CRYBG3: variants seen among roughly 807,000 people sequenced by gnomAD.
CRYBG3 encodes crystallin beta-gamma domain containing 3.
Under a neutral mutation model 244.2 loss-of-function variants are expected in CRYBG3, and 127 were observed. The ratio of observed to expected loss-of-function variants is 0.52; its 90% CI spans 0.45 to 0.60. CRYBG3 has a LOEUF of 0.60. Among genes scored for constraint, CRYBG3 ranks in the 20% least tolerant of loss-of-function variants. The pLI, the probability that CRYBG3 is intolerant of heterozygous loss-of-function variation, is 0.00. For missense variants in CRYBG3, 3,325 were observed against 3,442.5 expected (o/e 0.97, Z 0.85); for synonymous variants, 1,132 against 1,195.8 (o/e 0.95, Z 1.10).
intron 10 of CRYBG3, among the ~76,000 whole-genome samples, chr3:97,892,431 T>C (rs1228952242): frequency 6.6e-6 from 1 of 152,172 alleles, no homozygotes. Flanking sequence ...TTAAATGAGT[T>C]ACCTATATGT....
intron 11 of CRYBG3, among the ~76,000 whole-genome samples, chr3:97,893,990 A>T (rs1388497383): frequency 6.6e-6 from 1 of 152,232 alleles, no homozygotes; most frequent in East Asian, 1.9e-4. Context: ...TTAGTCTGAC[A>T]TATTAATCAC....
intron 2 of CRYBG3, among the ~76,000 whole-genome samples, chr3:97,856,930 A>G (rs1352324771): frequency 2.0e-5 from 3 of 151,688 alleles, no homozygotes; most frequent in African/African-American, 7.3e-5. Flanking sequence ...GTTTTCTTCT[A>G]ATTTGGGGGT....
At position 97,886,746 on chromosome 3, in the gene CRYBG3, C is replaced by T. The variant is rs2039512613; in HGVS notation, c.7268C>T (p.Ser2423Phe). ...LEELNISKSV[S>F]FTVKSGVWLA... ...GAACTGAATATCTCCAAATCTGTGT[C>T]CTTCACTGTGAAGTCAGGAGTGTAC... The change falls in exon 8 of 22, where the codon TCC (serine) becomes TTC (phenylalanine). Residue 2423 changes from serine (S) to phenylalanine (F), a missense_variant. Ser to Phe is a radical substitution (Grantham distance 155, BLOSUM62 -2). Transcript: ENST00000389622. 6.2e-7 allele frequency: 1 copy of T among 1,607,814 alleles called. No individual in the cohort carries two copies. Among genetic ancestry groups the T allele is most frequent in the South Asian group, 1.1e-5 (1 of 89,782 alleles).
Position 97,880,035 on chromosome 3 carries a change from T to C in CRYBG3, c.6939T>C (p.Cys2313=). 1 of 1,603,700 alleles carries C rather than the reference T, an allele frequency of 6.2e-7. No homozygotes were observed. Among genetic ancestry groups the C allele is most frequent in the South Asian group, 1.1e-5 (1 of 89,778 alleles). The part of the protein sequence containing the change: ...HESTYKQEVY[C]NIPDATSWSF... The stretch of plus-strand genomic sequence containing the variant: ...GTACATATAAACAAGAAGTCTACTG[T>C]AATATTCCTGATGCTACATCATGGT... Residue 2313 remains cysteine, a synonymous_variant, in exon 6 of 22, where the codon TGT becomes TGC. Transcript: ENST00000389622.
At chr3:97,930,835 C>T (rs1357703315) in intron 17 of CRYBG3, among the ~76,000 whole-genome samples, 2 of 152,064 alleles carry the variant, frequency 1.3e-5, no homozygotes, top group East Asian at 3.9e-4. Context: ...GTGTTGGCCA[C>T]ATAACGTAAA....
rs776126392 is a variant in CRYBG3, at chr3:97,933,734, A to G, written c.8282A>G (p.His2761Arg). The G allele has an allele frequency of 9.3e-6, 15 of 1,612,966 alleles. No individual in the cohort carries two copies. Among genetic ancestry groups the G allele is most frequent in the Non-Finnish European group, 1.3e-5 (15 of 1,179,362 alleles). ...EPSISLFALE[H>R]CEGRELHLEE... Reference sequence around the variant, plus strand: ...TCCATCAGCCTTTTTGCTCTGGAGCATTGTGAGGGAAGAGAGTTACATCTA... The same window carrying G: ...TCCATCAGCCTTTTTGCTCTGGAGCGTTGTGAGGGAAGAGAGTTACATCTA... The change falls in exon 18 of 22, where the codon CAT becomes CGT. Residue 2761 changes from histidine (H) to arginine (R), a missense_variant. By Grantham distance (29) the His-to-Arg change is conservative. Transcript: ENST00000389622.
At chr3:97,864,974 T>G (rs2039207156) in intron 3 of CRYBG3, among the ~76,000 whole-genome samples, 3 of 152,172 alleles carry the variant, frequency 2.0e-5, no homozygotes, top group Admixed American at 2.0e-4. Flanking sequence ...AAAATGGTCC[T>G]CAGGTTTATA....
intron 17 of CRYBG3, among the ~76,000 whole-genome samples, chr3:97,920,353 C>A (rs2039970138): frequency 6.6e-6 from 1 of 152,086 alleles, no homozygotes; most frequent in African/African-American, 2.4e-5. Context: ...TCAGCTCTTA[C>A]CTCCATCAGT....
chr3:97,941,040 A>G, intron 19 of CRYBG3, 108 bp from the exon 20 acceptor site: 1 of 827,328 alleles, frequency 1.2e-6, no homozygotes, highest in Non-Finnish European at 1.9e-6. Flanking sequence ...TGAAACTGAT[A>G]TAACTAAGAT....
At chr3:97,937,425 A>G (rs985424257) in intron 19 of CRYBG3, among the ~76,000 whole-genome samples, 1 of 152,106 alleles carries the variant, frequency 6.6e-6, no homozygotes, top group African/African-American at 2.4e-5. Flanking sequence ...CACAGGCATC[A>G]AAGTACAGAG....
chr3:97,932,357 T>C (rs1193067820), intron 17 of CRYBG3, among the ~76,000 whole-genome samples: 2 of 152,088 alleles, frequency 1.3e-5, no homozygotes, highest in Non-Finnish European at 2.9e-5. Context: ...GATTCTTCTG[T>C]GTATGAACCA....
chr3:97,933,473 C>A, intron 17 of CRYBG3: 1 of 613,862 alleles, frequency 1.6e-6, no homozygotes, highest in Non-Finnish European at 2.9e-6. Context: ...AGATTGATTG[C>A]TTTTCTGATA....
rs1384235934 is a variant in CRYBG3 at position 97,873,417 on chromosome 3, A to T, written c.2223A>T (p.Lys741Asn). ...AAGAAGTTCTTTCTAATAGTGAAAA[A>T]TGCCAGGTTCTTCCAGGTTCTGAAG... ...EFKEVLSNSEKCQVLPGSEAS... is the reference protein window; with the variant it reads ...EFKEVLSNSENCQVLPGSEAS... Residue 741 changes from lysine to asparagine, a missense_variant, in exon 4 of 22, where the codon AAA becomes AAT. Lys to Asn is a moderately conservative substitution (Grantham distance 94). Around this residue, in one of 4 missense-constraint regions of CRYBG3, gnomAD observed 1,526 missense variants for 1,443.2 expected, o/e 1.06. Transcript: ENST00000389622. 2.0e-6 allele frequency: 3 copies of T among 1,535,320 alleles called. No individual in the cohort carries two copies. The highest frequency in any genetic ancestry group is 2.6e-6 in the Non-Finnish European group (3 of 1,146,684).
intron 2 of CRYBG3, among the ~76,000 whole-genome samples, chr3:97,854,390 A>T (rs1205496728): frequency 6.6e-6 from 1 of 151,944 alleles, no homozygotes; most frequent in Non-Finnish European, 1.5e-5. Flanking sequence ...ATGAAGAATG[A>T]TGGTGGTATT....
chr3:97,864,103 T>C, intron 2 of CRYBG3, 114 bp from the exon 3 acceptor site: 1 of 807,726 alleles, frequency 1.2e-6, no homozygotes, highest in Non-Finnish European at 1.9e-6. Context: ...AAGCCATTAG[T>C]CTTATTCACA....
chr3:97,933,452 T>A (rs201340818), intron 17 of CRYBG3: 1 of 556,842 alleles, frequency 1.8e-6, no homozygotes, highest in Non-Finnish European at 3.3e-6. Flanking sequence ...ATTATGGCTG[T>A]TTTTATTATG....
chr3:97,875,754 A>C lies in CRYBG3; in HGVS notation c.4560A>C (p.Ser1520=), dbSNP rs2039363905. 1 of 1,232,032 alleles carries C rather than the reference A, an allele frequency of 8.1e-7. No homozygotes were observed. Among genetic ancestry groups the C allele is most frequent in the Non-Finnish European group, 1.0e-6 (1 of 987,956 alleles). The allele number at this position is 1,232,032 out of a possible 1,614,324, so 76.3% of individuals were successfully genotyped here. The change falls in exon 4 of 22, where the codon TCA becomes TCC. Residue 1520 remains serine (S), a synonymous_variant. Transcript: ENST00000389622. The stretch of plus-strand genomic sequence containing the variant: ...GTAAAAACACACCTCTTGCAATGTC[A>C]GATGTAGGGAAAGTACACAAGAAGG... ...GHSKNTPLAM[S]DVGKVHKKDN... is the part of the protein sequence containing the mutation.
chr3:97,931,577 A>G (rs1310173203), intron 17 of CRYBG3, among the ~76,000 whole-genome samples: 1 of 152,104 alleles, frequency 6.6e-6, no homozygotes, highest in East Asian at 1.9e-4. Context: ...ACTCCAGATC[A>G]AAAGGTCCAG....
rs1270066589 is a variant in CRYBG3 at position 97,943,719 on chromosome 3, T to TAAAG, written c.*409_*412dup. The TAAAG allele has an allele frequency of 6.2e-6, 1 of 160,264 alleles. No homozygotes were observed. Among genetic ancestry groups the TAAAG allele is most frequent in the Admixed American group, 6.5e-5 (1 of 15,274 alleles). The allele number at this position is 160,264 out of a possible 1,614,324, so 9.9% of individuals were successfully genotyped here. A position where few individuals can be genotyped will look rare whatever the true frequency, so the allele number is the denominator to read the frequency against. Reference sequence around the variant, plus strand: ...TAGATGCTTGTATGAGTACAAAGCATAAAGAAACAGATTTCTATAGGTCAA... The same window carrying TAAAG: ...TAGATGCTTGTATGAGTACAAAGCATAAAGAAAGAAACAGATTTCTATAGGTCAA... On this transcript the variant is annotated 3_prime_UTR_variant, in exon 22 of 22. Coordinates refer to ENST00000389622, the MANE Select transcript of CRYBG3 (RefSeq NM_153605.4).
Sources: gnomAD v4.1 joint callset for allele counts (sites outside exome capture counted in the v4.1 genomes callset) on GRCh38, gnomAD v4.1.1 for gene constraint, gnomAD v4.1.1 regional missense constraint, MANE v1.5 for transcripts, NCBI Gene and HGNC (gene_info 2026-07-23, HGNC 2026-07-21) for gene names.